Variants in DNMT3B observed in about 807,000 individuals in gnomAD.
DNMT3B encodes the protein DNA methyltransferase 3 beta, also known as DNA (cytosine-5)-methyltransferase 3B.
In DNMT3B, 37 loss-of-function variants were observed where a neutral mutation model predicts 120.2. That is an observed-to-expected ratio of 0.31 (90% confidence interval 0.24 to 0.40). The LOEUF is 0.40. DNMT3B is among the 10% of genes least tolerant of loss of function. The probability of loss-of-function intolerance (pLI) is 1.00; values close to 1 mark genes in which losing one functional copy is unlikely to be tolerated. For synonymous variants in DNMT3B, 412 were observed against 442.8 expected (o/e 0.93, Z 0.87); for missense variants, 878 against 1,137.3 (o/e 0.77, Z 3.28).
At chr20:32,763,652 C>G (rs1354585378) in intron 1 of DNMT3B, among the ~76,000 whole-genome samples, 2 of 152,184 alleles carry the variant, frequency 1.3e-5, no homozygotes, top group Admixed American at 6.5e-5. Context: ...GGAGAAAGAC[C>G]TAACAAGTTG....
intron 15 of DNMT3B, 31 bp from the exon 16 acceptor site, chr20:32,799,213 C>T (rs756428169): frequency 1.3e-6 from 2 of 1,598,710 alleles, no homozygotes; most frequent in Non-Finnish European, 1.7e-6. Flanking sequence ...CCTGTGCCTT[C>T]ACCACCATGA....
rs1402395268 is a variant in DNMT3B, at chr20:32,808,464, G to A, written c.*561G>A. ...AAAATGTTGTATATGTCTTTTACCC[G>A]GCACATTCCCCTTGCCTAAATACAA... On this transcript the variant is annotated 3_prime_UTR_variant, in exon 23 of 23. Transcript: ENST00000328111. The A allele has an allele frequency of 8.4e-6, 2 of 238,196 alleles. No homozygotes were observed. The highest frequency in any genetic ancestry group is 1.7e-5 in the Non-Finnish European group (2 of 121,126). The allele number at this position is 238,196 out of a possible 1,614,324, so 14.8% of individuals were successfully genotyped here.
chr20:32,800,071 T>C, intron 16 of DNMT3B, 82 bp from the exon 17 acceptor site: 2 of 1,590,620 alleles, frequency 1.3e-6, no homozygotes, highest in Non-Finnish European at 1.7e-6. Context: ...AACTGTTCAT[T>C]TTACCATAGC....
At chr20:32,772,745 T>C (rs888555329) in intron 1 of DNMT3B, among the ~76,000 whole-genome samples, 2 of 152,228 alleles carry the variant, frequency 1.3e-5, no homozygotes, top group Non-Finnish European at 2.9e-5. Flanking sequence ...TAGTTTTTTT[T>C]TTCCTGTTAC....
At chr20:32,774,812 C>T (rs776728455) in intron 1 of DNMT3B, among the ~76,000 whole-genome samples, 1 of 151,956 alleles carries the variant, frequency 6.6e-6, no homozygotes, top group Non-Finnish European at 1.5e-5. Context: ...CCCCGCCTCC[C>T]GGGTTCAAGT....
At chr20:32,780,279 G>T (rs370942739) in intron 1 of DNMT3B, 39 bp from the exon 2 acceptor site, 54 of 1,613,566 alleles carry the variant, frequency 3.3e-5, no homozygotes, top group Non-Finnish European at 4.5e-5. Context: ...TCATGTCCCT[G>T]CTTCCCTTTC....
chr20:32,803,484 T>C (rs1310026401), intron 20 of DNMT3B, among the ~76,000 whole-genome samples: 1 of 152,218 alleles, frequency 6.6e-6, no homozygotes, highest in East Asian at 1.9e-4. Context: ...GTGTCTGGAA[T>C]TAAATGGGTT....
At position 32,767,314 on chromosome 20, in the gene DNMT3B, C is replaced by T. The variant is rs1238010560; in HGVS notation, c.-7+4615C>T. 2.7e-5 allele frequency among the ~76,000 whole-genome samples: 4 copies of T among 150,294 alleles called. No homozygotes were observed. The East Asian group carries it at 5.8e-4, about 22-fold the overall frequency. ...GTTCCCGCCAATATTAAGGGATACT[C>T]AATTTTCCAGTACCTTGCCCTGTAG... On this transcript the variant is annotated intron_variant, in intron 1 of 22. Transcript: ENST00000328111.
Position 32,792,659 on chromosome 20 carries a change from A to T in DNMT3B, c.955A>T (p.Ser319Cys), listed in dbSNP as rs761984399. 2 of 1,614,244 alleles carry T rather than the reference A, an allele frequency of 1.2e-6. No homozygotes were observed. The highest frequency in any genetic ancestry group is 1.7e-6 in the Non-Finnish European group (2 of 1,180,048). Residue 319 changes from serine to cysteine, a missense_variant, in exon 9 of 23, where the codon AGC becomes TGC. Ser to Cys is a moderately radical substitution (Grantham distance 112, BLOSUM62 -1). Coordinates refer to ENST00000328111, the MANE Select transcript of DNMT3B (RefSeq NM_006892.4). ...ARVRAGKTFP[S>C]SPGDSLEDQL... ...GGTGCGAGCTGGCAAGACCTTCCCC[A>T]GCAGCCCTGGAGACTCATTGGAGGA...
Position 32,805,402 on chromosome 20 carries a change from G to C in DNMT3B, c.2296G>C (p.Ala766Pro), listed in dbSNP as rs1191203668. The change falls in exon 21 of 23, where the codon GCC (alanine) becomes CCC (proline). Residue 766 changes from alanine to proline, a missense_variant. This residue lies in a region of DNMT3B where 334 missense variants were observed against 518.8 expected (regional missense o/e 0.64). Coordinates refer to ENST00000328111, the MANE Select transcript of DNMT3B (RefSeq NM_006892.4). ...GGACTGCTTGGAATACAATAGGATA[G>C]CCAAGGTAAGACGAGCTGTGGCCCT... is the stretch of plus-strand genomic sequence containing the variant. ...LQDCLEYNRI[A>P]KLKKVQTITT... 8.7e-6 allele frequency: 14 copies of C among 1,614,094 alleles called. No individual in the cohort carries two copies. Among genetic ancestry groups the C allele is most frequent in the Non-Finnish European group, 1.2e-5 (14 of 1,180,006 alleles).
At chr20:32,782,378 G>A (rs1027760507) in intron 3 of DNMT3B, among the ~76,000 whole-genome samples, 1 of 152,196 alleles carries the variant, frequency 6.6e-6, no homozygotes, top group African/African-American at 2.4e-5. Flanking sequence ...CTATAAAAAT[G>A]ACTGGAGAGG....
intron 20 of DNMT3B, among the ~76,000 whole-genome samples, chr20:32,802,973 C>T (rs117933628): frequency 1.6e-3 from 245 of 152,280 alleles, no homozygotes; most frequent in East Asian, 0.015. Context: ...TAGTGACAGC[C>T]GTCTGGAAAT....
Position 32,765,194 on chromosome 20 carries a change from T to C in DNMT3B, c.-7+2495T>C, listed in dbSNP as rs190358120. ...GAGTGGAGTTTTTTCTTTTAAATCA[T>C]GAATTTTCAGGATGATTTCCAGTTT... On this transcript the variant is annotated intron_variant, in intron 1 of 22. Transcript: ENST00000328111. 2.9e-3 allele frequency among the ~76,000 whole-genome samples: 445 copies of C among 152,286 alleles called. 2 individuals are homozygous for C. Among genetic ancestry groups the C allele is most frequent in the African/African-American group, 9.5e-3 (395 of 41,562 alleles).
chr20:32,803,286 C>T (rs1427462402), intron 20 of DNMT3B, among the ~76,000 whole-genome samples: 1 of 152,226 alleles, frequency 6.6e-6, no homozygotes, highest in Non-Finnish European at 1.5e-5. Flanking sequence ...GGTAATGTGA[C>T]ATCCCAGACT....
At chr20:32,775,799 TCA>T (rs1321837872) in intron 1 of DNMT3B, among the ~76,000 whole-genome samples, 1 of 152,256 alleles carries the variant, frequency 6.6e-6, no homozygotes, top group Non-Finnish European at 1.5e-5. Flanking sequence ...CTGTCTTGTC[TCA>T]GTTACGGCAA....
At chr20:32,783,176 C>T (rs983720849) in intron 3 of DNMT3B, among the ~76,000 whole-genome samples, 5 of 152,144 alleles carry the variant, frequency 3.3e-5, no homozygotes, top group African/African-American at 1.2e-4. Context: ...AGCCACCTGT[C>T]CCGGCCTCCC....
At chr20:32,797,425 G>T (rs980284624) in intron 14 of DNMT3B, 126 bp downstream of exon 14, 2 of 862,176 alleles carry the variant, frequency 2.3e-6, no homozygotes, top group Non-Finnish European at 1.8e-6. Context: ...ATTTGCCCTG[G>T]AAGCAGCACA....
At chr20:32,763,949 A>G (rs1393773358) in intron 1 of DNMT3B, among the ~76,000 whole-genome samples, 2 of 152,196 alleles carry the variant, frequency 1.3e-5, no homozygotes, top group Non-Finnish European at 2.9e-5. Context: ...AACAGCTGTT[A>G]TCTCCTCTAC....
At chr20:32,797,363 C>A in intron 14 of DNMT3B, 64 bp downstream of exon 14, 1 of 1,471,582 alleles carries the variant, frequency 6.8e-7, no homozygotes, top group Non-Finnish European at 9.4e-7. Context: ...TTCCTGCAGT[C>A]TGCAGACAGC....
Sources: allele counts gnomAD v4.1 joint callset (sites outside exome capture counted in the v4.1 genomes callset), GRCh38; gene constraint gnomAD v4.1.1; regional missense constraint gnomAD v4.1.1; transcripts MANE v1.5; gene names NCBI Gene and HGNC (gene_info 2026-07-23, HGNC 2026-07-21).